The following EXOC6B variants were observed in gnomAD, a reference collection of about 807,000 sequenced individuals.
EXOC6B encodes the protein exocyst complex component 6B, also known as SEC15 homolog B.
A neutral mutation model predicts 113.5 loss-of-function variants in EXOC6B; 54 were observed. That is an observed-to-expected ratio of 0.48 (90% CI 0.38 to 0.60). EXOC6B has a LOEUF of 0.60. Ranked by LOEUF, EXOC6B falls within the 20% of genes least tolerant of loss-of-function variation. EXOC6B has a pLI of 0.00. For synonymous variants in EXOC6B, 357 were observed against 339.0 expected, an observed-to-expected ratio of 1.05 and a Z score of -0.58; for missense variants, 797 against 977.5, an observed-to-expected ratio of 0.82 and a Z score of 2.46.
intron 20 of EXOC6B, among the ~76,000 whole-genome samples, chr2:72,226,058 T>C (rs1681218304): frequency 6.6e-6 from 1 of 152,014 alleles, no homozygotes; most frequent in African/African-American, 2.4e-5. Flanking sequence ...AGAAATCGAA[T>C]GTAAAACCCC....
chr2:72,701,848 C>T (rs988260838), intron 6 of EXOC6B, among the ~76,000 whole-genome samples: 1 of 151,982 alleles, frequency 6.6e-6, no homozygotes, highest in Non-Finnish European at 1.5e-5. Flanking sequence ...TTCGAATGTT[C>T]TACTTCCCTT....
At chr2:72,220,945 C>A (rs985831874) in intron 20 of EXOC6B, among the ~76,000 whole-genome samples, 4 of 152,164 alleles carry the variant, frequency 2.6e-5, no homozygotes, top group Non-Finnish European at 5.9e-5. Flanking sequence ...GGATATCCAT[C>A]ACCTTAAATA....
chr2:72,632,456 A>G (rs1055875521), intron 6 of EXOC6B, among the ~76,000 whole-genome samples: 1 of 152,218 alleles, frequency 6.6e-6, no homozygotes, highest in African/African-American at 2.4e-5. Flanking sequence ...AATCTATCCT[A>G]AAGAAATTAT....
At chr2:72,632,870 T>A (rs1444688724) in intron 6 of EXOC6B, among the ~76,000 whole-genome samples, 1 of 151,986 alleles carries the variant, frequency 6.6e-6, no homozygotes, top group Non-Finnish European at 1.5e-5. Context: ...TTGATAGAGT[T>A]TGAGTCTCAA....
intron 6 of EXOC6B, among the ~76,000 whole-genome samples, chr2:72,625,308 A>G (rs1173301046): frequency 6.6e-6 from 1 of 151,794 alleles, no homozygotes; most frequent in Non-Finnish European, 1.5e-5. Context: ...AAAGACTTTC[A>G]GTACTGTTTA....
At chr2:72,250,803 A>G (rs907579250) in intron 20 of EXOC6B, among the ~76,000 whole-genome samples, 2 of 151,858 alleles carry the variant, frequency 1.3e-5, no homozygotes, top group African/African-American at 4.8e-5. Context: ...AGATAAAAGA[A>G]GCACAGGTCT....
At chr2:72,511,065 G>A (rs530690671) in intron 11 of EXOC6B, among the ~76,000 whole-genome samples, 4 of 152,078 alleles carry the variant, frequency 2.6e-5, no homozygotes, top group South Asian at 2.1e-4. Context: ...GGTTACATAC[G>A]TAAAATGAGA....
chr2:72,788,142 G>A (rs564296193), intron 1 of EXOC6B, among the ~76,000 whole-genome samples: 6 of 152,228 alleles, frequency 3.9e-5, no homozygotes, highest in African/African-American at 1.4e-4. Context: ...TAGTCTACCT[G>A]TTATTTCTAT....
intron 18 of EXOC6B, among the ~76,000 whole-genome samples, chr2:72,455,475 T>C (rs1697170975): frequency 6.6e-6 from 1 of 152,146 alleles, no homozygotes; most frequent in Non-Finnish European, 1.5e-5. Context: ...ATTTAAATGA[T>C]GGCTCTATGA....
chr2:72,306,229 C>T (rs573621300), intron 20 of EXOC6B, among the ~76,000 whole-genome samples: 4 of 152,078 alleles, frequency 2.6e-5, no homozygotes, highest in Admixed American at 2.0e-4. Flanking sequence ...AAAATGTATA[C>T]CGTTATAATA....
At chr2:72,226,425 C>G (rs1681244714) in intron 20 of EXOC6B, among the ~76,000 whole-genome samples, 1 of 151,926 alleles carries the variant, frequency 6.6e-6, no homozygotes, top group Non-Finnish European at 1.5e-5. Flanking sequence ...AAAATTATTC[C>G]CCCAAAAGTT....
chr2:72,311,870 G>A (rs189240554), intron 20 of EXOC6B, among the ~76,000 whole-genome samples: 1 of 152,290 alleles, frequency 6.6e-6, no homozygotes, highest in African/African-American at 2.4e-5. Context: ...GGAGCAGGGG[G>A]ATAGGCTTAG....
At chr2:72,690,493 G>C (rs1677406483) in intron 6 of EXOC6B, among the ~76,000 whole-genome samples, 1 of 152,006 alleles carries the variant, frequency 6.6e-6, no homozygotes, top group African/African-American at 2.4e-5. Context: ...TGAATCCCTT[G>C]ACAATATCTA....
At position 72,419,451 on chromosome 2, in the gene EXOC6B, T is replaced by C. The variant is rs181026658; in HGVS notation, c.1981-39581A>G. ...AGTCTAGTGTCCTTTCATTTCACTC[T>C]GCATGACATTCATTAAGATTTCTTG... On this transcript the variant is annotated intron_variant, in intron 18 of 21. Coordinates refer to ENST00000272427, the MANE Select transcript of EXOC6B (RefSeq NM_015189.3). Among the ~76,000 whole-genome samples the C allele has an allele frequency of 2.7e-4, 41 of 152,350 alleles. No individual in the cohort carries two copies. In the East Asian group the frequency reaches 6.7e-3, roughly 25 times the overall value.
At chr2:72,534,902 T>C (rs1005391096) in intron 8 of EXOC6B, among the ~76,000 whole-genome samples, 1 of 152,152 alleles carries the variant, frequency 6.6e-6, no homozygotes, top group Non-Finnish European at 1.5e-5. Context: ...TTTTGGTTTC[T>C]TTTTTCCAGG....
At chr2:72,215,312 T>C (rs1184013349) in intron 20 of EXOC6B, among the ~76,000 whole-genome samples, 1 of 152,166 alleles carries the variant, frequency 6.6e-6, no homozygotes, top group Non-Finnish European at 1.5e-5. Context: ...ACAAGTTTCA[T>C]GGCATCTCTT....
intron 6 of EXOC6B, among the ~76,000 whole-genome samples, chr2:72,715,426 AAT>A (rs979825364): frequency 2.0e-5 from 3 of 148,396 alleles, no homozygotes; most frequent in Non-Finnish European, 3.0e-5. Flanking sequence ...ATACATTTAA[AAT>A]ATATATATAA....
intron 11 of EXOC6B, among the ~76,000 whole-genome samples, chr2:72,506,420 A>G (rs1457463042): frequency 1.3e-5 from 2 of 152,138 alleles, no homozygotes; most frequent in Non-Finnish European, 2.9e-5. Context: ...CATCTTGAAT[A>G]GGCCCAAGAG....
At chr2:72,591,730 T>C (rs1407825165) in intron 6 of EXOC6B, among the ~76,000 whole-genome samples, 1 of 152,266 alleles carries the variant, frequency 6.6e-6, no homozygotes, top group Admixed American at 6.5e-5. Context: ...TCACAGCAGG[T>C]ATTTAGTCCA....
Sources: allele counts gnomAD v4.1 joint callset (sites outside exome capture counted in the v4.1 genomes callset), GRCh38; gene constraint gnomAD v4.1.1; transcripts MANE v1.5; gene names NCBI Gene and HGNC (gene_info 2026-07-23, HGNC 2026-07-21).